Variants in SORT1 observed in about 807,000 individuals in gnomAD.
SORT1 encodes the protein sortilin.
Under a neutral mutation model 101.7 loss-of-function variants are expected in SORT1, and 39 were observed. The ratio of observed to expected loss-of-function variants is 0.38; its 90% CI spans 0.30 to 0.50. SORT1 has a LOEUF of 0.50. Among genes scored for constraint, SORT1 ranks in the 20% least tolerant of loss-of-function variants. The probability of loss-of-function intolerance (pLI) is 0.90; values close to 1 mark genes in which losing one functional copy is unlikely to be tolerated. For synonymous variants in SORT1, 396 were observed against 393.7 expected (o/e 1.01, Z -0.07); for missense variants, 878 against 1,040.4 (o/e 0.84, Z 2.15).
At chr1:109,355,600 C>T (rs1169743495) in intron 3 of SORT1, 131 bp from the exon 4 acceptor site, 11 of 556,364 alleles carry the variant, frequency 2.0e-5, no homozygotes, top group Non-Finnish European at 3.3e-5. Flanking sequence ...TAGCCACATT[C>T]CTAGCTCCAG....
chr1:109,318,038 G>T, intron 15 of SORT1, 69 bp from the exon 16 acceptor site: 1 of 938,856 alleles, frequency 1.1e-6, no homozygotes, highest in South Asian at 1.4e-5. Context: ...AGCAATGAAG[G>T]GTTATGTGGG....
intron 3 of SORT1, among the ~76,000 whole-genome samples, 172 bp from the exon 4 acceptor site, chr1:109,355,641 A>ACCCCCCCC (rs529686433): frequency 1.4e-4 from 12 of 84,090 alleles, no homozygotes; most frequent in South Asian, 5.0e-4. Flanking sequence ...AGAACATTCC[A>ACCCCCCCC]CCCGCCCCCC....
intron 14 of SORT1, among the ~76,000 whole-genome samples, chr1:109,324,478 C>T (rs1647855635): frequency 6.6e-6 from 1 of 152,136 alleles, no homozygotes; most frequent in Non-Finnish European, 1.5e-5. Context: ...CTTTGTTTGG[C>T]AGTGAGGTTA....
intron 15 of SORT1, 39 bp from the exon 16 acceptor site, chr1:109,318,008 T>C: frequency 1.5e-6 from 2 of 1,299,782 alleles, no homozygotes; most frequent in South Asian, 1.2e-5. Context: ...TCAAAGCAGC[T>C]GGAAGACCGT....
intron 1 of SORT1, among the ~76,000 whole-genome samples, chr1:109,384,984 A>G (rs561797209): frequency 6.6e-6 from 1 of 152,290 alleles, no homozygotes; most frequent in African/African-American, 2.4e-5. Context: ...AGGCAGAGGC[A>G]CGAGAATCCC....
chr1:109,313,891 T>G lies in SORT1; in HGVS notation c.*152A>C. ...GTTCCCCACCCCCACCCTGCATTTC[T>G]TTAGTGTAGGTCCTTTTGGCTTTGA... On this transcript the variant is annotated 3_prime_UTR_variant, in exon 20 of 20. Transcript: ENST00000256637. The G allele has an allele frequency of 1.9e-6, 1 of 532,048 alleles. No individual in the cohort carries two copies. The highest frequency in any genetic ancestry group is 3.4e-6 in the Non-Finnish European group (1 of 296,532). 33.0% of individuals were successfully genotyped at this position (532,048 alleles called of 1,614,324 possible).
intron 9 of SORT1, among the ~76,000 whole-genome samples, chr1:109,341,259 G>T (rs1649200287): frequency 6.6e-6 from 1 of 152,006 alleles, no homozygotes; most frequent in Non-Finnish European, 1.5e-5. Context: ...CAATTTGTAA[G>T]ATTTCCAATA....
At position 109,309,768 on chromosome 1, in the gene SORT1, G is replaced by A. The variant is rs1255244569; in HGVS notation, c.*4275C>T. ...TAACTGACGTGGGTCACTGAAACTC[G>A]ATTATCCCACCTCACATGCAATTTT... is the stretch of plus-strand genomic sequence containing the variant. On this transcript the variant is annotated 3_prime_UTR_variant, in exon 20 of 20. Coordinates refer to ENST00000256637, the MANE Select transcript of SORT1 (RefSeq NM_002959.7). 5 of 152,194 alleles carry A rather than the reference G, an allele frequency of 3.3e-5. No individual in the cohort carries two copies. The highest frequency in any genetic ancestry group is 7.3e-5 in the Non-Finnish European group (5 of 68,052). The allele number at this position is 152,194 out of a possible 1,614,324, so 9.4% of individuals were successfully genotyped here. A position where few individuals can be genotyped will look rare whatever the true frequency, so the allele number is the denominator to read the frequency against.
intron 2 of SORT1, among the ~76,000 whole-genome samples, chr1:109,367,858 G>C (rs1211097608): frequency 2.0e-5 from 3 of 152,180 alleles, no homozygotes; most frequent in African/African-American, 7.2e-5. Flanking sequence ...TGTCATGTAT[G>C]TCTGTCTTTT....
chr1:109,362,926 G>A (rs764536675), intron 3 of SORT1, among the ~76,000 whole-genome samples: 21 of 152,042 alleles, frequency 1.4e-4, no homozygotes, highest in Non-Finnish European at 4.4e-5. Context: ...CATTAAAAAG[G>A]TTGTTACACA....
chr1:109,322,106 G>GT (rs573038952), intron 15 of SORT1, among the ~76,000 whole-genome samples: 7,125 of 145,092 alleles, frequency 0.049, 212 homozygotes, highest in Middle Eastern at 0.11. Context: ...CTTTCTTTCT[G>GT]TTTTTTTTTT....
rs572281895 is a variant in SORT1, at chr1:109,370,353, G to A, written c.307-764C>T. Among the ~76,000 whole-genome samples the A allele has an allele frequency of 1.6e-3, 236 of 151,854 alleles. 2 individuals carry two copies. Among genetic ancestry groups the A allele is most frequent in the African/African-American group, 5.4e-3 (222 of 41,402 alleles). On this transcript the variant is annotated intron_variant, in intron 1 of 19. Coordinates refer to ENST00000256637, the MANE Select transcript of SORT1 (RefSeq NM_002959.7). ...AGAAGATGTAGACAATTATAAGAAC[G>A]CATAATAAAGATAAGTCACTCATAA... is the stretch of plus-strand genomic sequence containing the variant.
At chr1:109,329,077 T>C (rs1648276466) in intron 11 of SORT1, among the ~76,000 whole-genome samples, 1 of 152,172 alleles carries the variant, frequency 6.6e-6, no homozygotes, top group Middle Eastern at 3.2e-3. Flanking sequence ...CCCACCTACC[T>C]GCAGAACCTG....
At chr1:109,381,848 A>G (rs1570982888) in intron 1 of SORT1, among the ~76,000 whole-genome samples, 1 of 152,214 alleles carries the variant, frequency 6.6e-6, no homozygotes, top group East Asian at 1.9e-4. Flanking sequence ...TGGATGACAG[A>G]GCAAGATTGT....
intron 1 of SORT1, among the ~76,000 whole-genome samples, chr1:109,370,099 C>G (rs1220678191): frequency 5.3e-5 from 8 of 151,978 alleles, no homozygotes; most frequent in Non-Finnish European, 2.9e-5. Context: ...GAAGCAAATG[C>G]CTTTGTTTCA....
intron 3 of SORT1, among the ~76,000 whole-genome samples, chr1:109,356,209 G>A (rs892320171): frequency 4.6e-5 from 7 of 152,152 alleles, no homozygotes; most frequent in African/African-American, 7.2e-5. Context: ...AAGGGCTGAG[G>A]TGCTACTGGC....
At chr1:109,360,879 AAAG>A (rs1650680735) in intron 3 of SORT1, among the ~76,000 whole-genome samples, 1 of 152,186 alleles carries the variant, frequency 6.6e-6, no homozygotes, top group African/African-American at 2.4e-5. Context: ...GCCTTGTCTT[AAAG>A]AAGATTACAC....
At chr1:109,357,744 T>G (rs950051214) in intron 3 of SORT1, among the ~76,000 whole-genome samples, 8 of 152,222 alleles carry the variant, frequency 5.3e-5, no homozygotes, top group Non-Finnish European at 1.2e-4. Flanking sequence ...CTAAGTTGTC[T>G]GAATGACTCT....
intron 2 of SORT1, chr1:109,368,933 G>A (rs772544847): frequency 1.9e-5 from 3 of 154,126 alleles, no homozygotes; most frequent in South Asian, 2.0e-4. Context: ...TCAGTACAGA[G>A]CACTTTCATC....
Sources: allele counts gnomAD v4.1 joint callset (sites outside exome capture counted in the v4.1 genomes callset), GRCh38; gene constraint gnomAD v4.1.1; transcripts MANE v1.5; gene names NCBI Gene and HGNC (gene_info 2026-07-23, HGNC 2026-07-21).